Variants in HMGB1 observed in about 807,000 individuals in gnomAD.
The protein encoded by HMGB1 is high mobility group box 1.
For missense variants in HMGB1, 79 were observed against 253.5 expected, an observed-to-expected ratio of 0.31 and a Z score of 4.67; for synonymous variants, 81 against 84.0, an observed-to-expected ratio of 0.96 and a Z score of 0.19.
intron 1 of HMGB1, among the ~76,000 whole-genome samples, chr13:30,601,237 A>T (rs956242202): frequency 2.0e-5 from 3 of 152,220 alleles, no homozygotes; most frequent in Non-Finnish European, 4.4e-5. Context: ...AACCTATAAG[A>T]AGTAATGATA....
At chr13:30,462,318 C>A in intron 4 of HMGB1, 2 of 569,246 alleles carry the variant, frequency 3.5e-6, no homozygotes, top group Non-Finnish European at 6.4e-6. Flanking sequence ...AATAACAAAA[C>A]CAACATAAAT....
intron 1 of HMGB1, chr13:30,554,094 A>C: frequency 7.8e-7 from 1 of 1,286,688 alleles, no homozygotes; most frequent in Non-Finnish European, 1.1e-6. Context: ...AACGGGATTC[A>C]ATGTGAAGCT....
intron 1 of HMGB1, among the ~76,000 whole-genome samples, chr13:30,577,809 GCTA>G (rs1313969718): frequency 6.6e-6 from 1 of 152,174 alleles, no homozygotes; most frequent in East Asian, 1.9e-4. Context: ...CGAAAAGTGA[GCTA>G]CTATTATCTC....
chr13:30,515,917 C>T (rs564303617), intron 1 of HMGB1, among the ~76,000 whole-genome samples: 4 of 152,242 alleles, frequency 2.6e-5, no homozygotes, highest in African/African-American at 9.6e-5. Flanking sequence ...AAGAAAGATT[C>T]TATATAACAA....
At chr13:30,469,184 C>A (rs1886866713), upstream of HMGB1, among the ~76,000 whole-genome samples, 1 of 152,136 alleles carries the variant, frequency 6.6e-6, no homozygotes, top group African/African-American at 2.4e-5. Context: ...AGCCCTGGTA[C>A]CCGGCCAAGT....
chr13:30,587,857 G>A lies in HMGB1; in HGVS notation c.-15+28814C>T, dbSNP rs532025925. Among the ~76,000 whole-genome samples the A allele has an allele frequency of 2.0e-4, 30 of 152,284 alleles. No individual in the cohort carries two copies. The South Asian group carries it at 6.0e-3, about 30-fold the overall frequency. ...AGAGATATTTCTGAGGAACAAACTGGTAATGAGGGAGCTACTGTGTCCATT... is the reference window on the plus strand; with the variant it reads ...AGAGATATTTCTGAGGAACAAACTGATAATGAGGGAGCTACTGTGTCCATT... On this transcript the variant is annotated intron_variant, in intron 1 of 4. Transcript: ENST00000405805.
chr13:30,554,093 C>A, intron 1 of HMGB1: 3 of 1,282,960 alleles, frequency 2.3e-6, no homozygotes, highest in Non-Finnish European at 3.4e-6. Context: ...AAACGGGATT[C>A]AATGTGAAGC....
chr13:30,535,893 AC>A (rs1344765003), intron 1 of HMGB1, among the ~76,000 whole-genome samples: 1 of 152,230 alleles, frequency 6.6e-6, no homozygotes, highest in Non-Finnish European at 1.5e-5. Flanking sequence ...CTGTCTCAAA[AC>A]AAAAACTGAA....
At chr13:30,579,111 C>T (rs1870789341) in intron 1 of HMGB1, among the ~76,000 whole-genome samples, 1 of 152,090 alleles carries the variant, frequency 6.6e-6, no homozygotes, top group African/African-American at 2.4e-5. Context: ...TAGAACTGTA[C>T]CTGAGACATA....
chr13:30,584,098 A>C (rs562209140), intron 1 of HMGB1, among the ~76,000 whole-genome samples: 13 of 152,192 alleles, frequency 8.5e-5, no homozygotes, highest in African/African-American at 3.1e-4. Flanking sequence ...GAAGGAAGGA[A>C]ACAAAATAAA....
intron 1 of HMGB1, among the ~76,000 whole-genome samples, chr13:30,480,771 G>A (rs1026111829): frequency 2.0e-5 from 3 of 151,288 alleles, no homozygotes; most frequent in Non-Finnish European, 4.4e-5. Context: ...TCCCCTCCCC[G>A]CCCTTCTCTC....
chr13:30,510,793 A>C (rs1887975147), intron 1 of HMGB1, among the ~76,000 whole-genome samples: 1 of 152,224 alleles, frequency 6.6e-6, no homozygotes, highest in South Asian at 2.1e-4. Flanking sequence ...AATCTTGGGC[A>C]TATAGTAAGT....
intron 1 of HMGB1, among the ~76,000 whole-genome samples, chr13:30,492,344 TA>T (rs1025410673): frequency 3.1e-4 from 46 of 147,550 alleles, no homozygotes; most frequent in East Asian, 4.0e-4. Context: ...ATTCATACAT[TA>T]AAAAAAAATG....
intron 1 of HMGB1, among the ~76,000 whole-genome samples, chr13:30,562,438 C>T (rs1421040788): frequency 6.6e-6 from 1 of 151,616 alleles, no homozygotes; most frequent in Non-Finnish European, 1.5e-5. Flanking sequence ...TATATATAAA[C>T]TTGTTGACAT....
intron 1 of HMGB1, among the ~76,000 whole-genome samples, chr13:30,613,404 A>C (rs1950530937): frequency 6.6e-6 from 1 of 152,234 alleles, no homozygotes; most frequent in South Asian, 2.1e-4. Flanking sequence ...TTATTGGCAA[A>C]AAATTTTAAA....
At chr13:30,466,102 C>A (rs767761687), upstream of HMGB1, 1 of 247,144 alleles carries the variant, frequency 4.0e-6, no homozygotes, top group Non-Finnish European at 6.5e-6. Context: ...TGTGTGTATG[C>A]CGGGCAAAGA....
intron 1 of HMGB1, among the ~76,000 whole-genome samples, chr13:30,486,138 T>G (rs1887357979): frequency 6.6e-6 from 1 of 152,182 alleles, no homozygotes; most frequent in Non-Finnish European, 1.5e-5. Flanking sequence ...GGCACTACCC[T>G]AAAAGTTTGA....
intron 1 of HMGB1, among the ~76,000 whole-genome samples, chr13:30,486,452 G>A: frequency 6.6e-6 from 1 of 152,218 alleles, no homozygotes; most frequent in East Asian, 1.9e-4. Flanking sequence ...TGGTATGGAT[G>A]ACGGGAGGGC....
chr13:30,553,769 T>A, intron 1 of HMGB1: 1 of 1,389,338 alleles, frequency 7.2e-7, no homozygotes, highest in Non-Finnish European at 1.0e-6. Context: ...ATGACTATCT[T>A]CATAGAGTGG....
Sources: gnomAD v4.1 joint callset for allele counts (sites outside exome capture counted in the v4.1 genomes callset) on GRCh38, gnomAD v4.1.1 for gene constraint, MANE v1.5 for transcripts, NCBI Gene and HGNC (gene_info 2026-07-23, HGNC 2026-07-21) for gene names.